The following QTGAL variants were observed in gnomAD, a reference collection of about 807,000 sequenced individuals.
QTGAL encodes the protein queuosine-tRNA galactosyltransferase, also known as BGnT-like protein 1.
the QTGAL span, chr17:82,961,320 G>A: frequency 2.7e-6 from 3 of 1,115,392 alleles, no homozygotes; most frequent in Non-Finnish European, 3.6e-6. Context: ...CGGTCTAGAG[G>A]CTCAACAGGG....
chr17:83,016,420 G>C, the QTGAL span, among the ~76,000 whole-genome samples: 10 of 151,964 alleles, frequency 6.6e-5, no homozygotes, highest in African/African-American at 2.2e-4. Context: ...AAGAGAGGAG[G>C]CTGGGGACAG....
At chr17:83,036,934 G>A in the QTGAL span, among the ~76,000 whole-genome samples, 7 of 152,098 alleles carry the variant, frequency 4.6e-5, no homozygotes, top group Non-Finnish European at 7.4e-5. Context: ...GCTCAGCTTC[G>A]ATGCCAATGG....
chr17:82,980,411 T>C, the QTGAL span, among the ~76,000 whole-genome samples: 9 of 152,128 alleles, frequency 5.9e-5, no homozygotes, highest in Non-Finnish European at 2.9e-5. Context: ...CCCAACACCA[T>C]CTACCTGGAG....
At chr17:83,001,986 C>T in the QTGAL span, among the ~76,000 whole-genome samples, 8 of 151,802 alleles carry the variant, frequency 5.3e-5, no homozygotes, top group African/African-American at 1.9e-4. Context: ...GGTCTTAAAT[C>T]CCCAGGCTCA....
the QTGAL span, among the ~76,000 whole-genome samples, chr17:82,995,278 T>TAA: frequency 6.6e-6 from 1 of 152,024 alleles, no homozygotes; most frequent in Non-Finnish European, 1.5e-5. Flanking sequence ...TCTTATATTT[T>TAA]AAAAAAACCT....
chr17:83,010,873 C>A, the QTGAL span, among the ~76,000 whole-genome samples: 1 of 152,190 alleles, frequency 6.6e-6, no homozygotes. Flanking sequence ...GGAACCCTCC[C>A]GTCTTTGTTC....
chr17:83,019,686 A>G, the QTGAL span, among the ~76,000 whole-genome samples: 1 of 152,224 alleles, frequency 6.6e-6, no homozygotes, highest in African/African-American at 2.4e-5. Flanking sequence ...TATGTTATAT[A>G]CATTTTACCA....
the QTGAL span, among the ~76,000 whole-genome samples, chr17:83,043,153 C>A: frequency 1.8e-4 from 27 of 152,298 alleles, no homozygotes; most frequent in African/African-American, 6.5e-4. Flanking sequence ...AGAACTTGAA[C>A]AATACTATAA....
chr17:82,963,757 C>G, the QTGAL span, among the ~76,000 whole-genome samples: 1 of 152,036 alleles, frequency 6.6e-6, no homozygotes, highest in Non-Finnish European at 1.5e-5. Flanking sequence ...AGGTGCGCCC[C>G]TGGGTGCAGG....
chr17:82,948,652 G>A, the QTGAL span: 1 of 152,280 alleles, frequency 6.6e-6, no homozygotes. Context: ...TTAGGGATGT[G>A]TTCACGCACA....
the QTGAL span, chr17:83,005,430 A>G: frequency 1.6e-6 from 1 of 621,472 alleles, no homozygotes; most frequent in Non-Finnish European, 2.9e-6. This position sits in a 1 kb window ranked among gnomAD's most constrained non-coding sequence, Gnocchi z 5.6. Context: ...TGGGCACGAC[A>G]GAAGACGGCC....
At chr17:83,006,112 C>T in the QTGAL span, 1 of 990,026 alleles carries the variant, frequency 1.0e-6, no homozygotes. The surrounding 1 kb of genome is among the most constrained non-coding windows in gnomAD (Gnocchi z 5.8). Context: ...GGCCCCAGGT[C>T]ACAAGTCCCA....
At chr17:83,006,121 C>T in the QTGAL span, 1 of 988,732 alleles carries the variant, frequency 1.0e-6, no homozygotes, top group Non-Finnish European at 1.2e-6. This position sits in a 1 kb window ranked among gnomAD's most constrained non-coding sequence, Gnocchi z 5.8. Context: ...TCACAAGTCC[C>T]AGCGGACGCA....
the QTGAL span, among the ~76,000 whole-genome samples, chr17:83,007,722 C>T: frequency 6.6e-6 from 1 of 152,186 alleles, no homozygotes; most frequent in African/African-American, 2.4e-5. Flanking sequence ...CTTCATGCTT[C>T]CCTGGAAAGG....
the QTGAL span, among the ~76,000 whole-genome samples, chr17:83,036,798 C>T: frequency 0.16 from 24,192 of 152,100 alleles, 2,123 homozygotes; most frequent in South Asian, 0.23. Context: ...TTTGGGAAAG[C>T]AGGCACTGGG....
the QTGAL span, among the ~76,000 whole-genome samples, chr17:82,966,085 T>C: frequency 6.2e-5 from 4 of 64,770 alleles, no homozygotes; most frequent in Admixed American, 5.2e-4. Context: ...GATTTTTACT[T>C]TTTTTTTTTT....
chr17:82,961,355 C>G, the QTGAL span: 2 of 470,650 alleles, frequency 4.2e-6, no homozygotes, highest in South Asian at 4.3e-5. Flanking sequence ...CCACAACAGA[C>G]GTGAGCAACC....
chr17:83,005,032 A>G, the QTGAL span: 2 of 1,170,226 alleles, frequency 1.7e-6, no homozygotes, highest in Non-Finnish European at 2.4e-6. The surrounding 1 kb of genome is among the most constrained non-coding windows in gnomAD (Gnocchi z 5.6). Context: ...CGACGCAGAC[A>G]CAAGAGGCCA....
the QTGAL span, among the ~76,000 whole-genome samples, chr17:82,977,299 C>T: frequency 1.3e-5 from 2 of 152,164 alleles, no homozygotes; most frequent in African/African-American, 4.8e-5. Context: ...GTGTTTGCAT[C>T]CGTGACTTTA....
Sources: allele counts gnomAD v4.1 joint callset (sites outside exome capture counted in the v4.1 genomes callset), GRCh38; gene constraint gnomAD v4.1.1; non-coding constraint Gnocchi (gnomAD v3.1); transcripts MANE v1.5; gene names NCBI Gene and HGNC (gene_info 2026-07-23, HGNC 2026-07-21).